KCNQ2: variants seen among roughly 807,000 people sequenced by gnomAD.
KCNQ2 encodes potassium voltage-gated channel subfamily Q member 2, also known as potassium voltage-gated channel subfamily KQT member 2.
A neutral mutation model predicts 84.8 loss-of-function variants in KCNQ2; 14 were observed. The ratio of observed to expected loss-of-function variants is 0.17; its 90% CI spans 0.11 to 0.26. KCNQ2 has a LOEUF of 0.26. Ranked by LOEUF, KCNQ2 falls within the 10% of genes least tolerant of loss-of-function variation. KCNQ2 has a pLI of 1.00. For synonymous variants in KCNQ2, 599 were observed against 554.1 expected (o/e 1.08, Z -1.14); for missense variants, 788 against 1,254.0 (o/e 0.63, Z 5.61).
rs989160365 is a variant in KCNQ2, at chr20:63,455,348, C to A, written c.297-8511G>T. On this transcript the variant is annotated intron_variant, in intron 1 of 16. Coordinates refer to ENST00000359125, the MANE Select transcript of KCNQ2 (RefSeq NM_172107.4). ...GAGTCAAGGTGGGGGCAGGGAGGAT[C>A]CACAGAGCCCTGGCACCCACCACTG... Among the ~76,000 whole-genome samples the A allele has an allele frequency of 5.3e-4, 80 of 152,186 alleles. 1 individual carries two copies. The highest frequency in any genetic ancestry group is 1.7e-3 in the African/African-American group (71 of 41,446).
Position 63,438,620 on chromosome 20 carries a change from C to G in KCNQ2, c.1023+5G>C. The G allele has an allele frequency of 6.2e-7, 1 of 1,612,998 alleles. No homozygotes were observed. The highest frequency in any genetic ancestry group is 8.5e-7 in the Non-Finnish European group (1 of 1,179,448). On this transcript the variant is annotated splice_donor_5th_base_variant and intron_variant, in intron 7 of 16. Coordinates refer to ENST00000359125, the MANE Select transcript of KCNQ2 (RefSeq NM_172107.4). This position sits in a 1 kb window ranked among gnomAD's most constrained non-coding sequence, Gnocchi z 5.1. ...TGCTGGTCCCCGGGGGACACCTGGA[C>G]TCACCTGGATCAGGCCTGCTGCCGG...
Position 63,403,591 on chromosome 20 carries a change from CACGTGT to C in KCNQ2, c.*3047_*3052del, listed in dbSNP as rs1179732214. On this transcript the variant is annotated 3_prime_UTR_variant, in exon 17 of 17. Transcript: ENST00000359125. ...CGTGTGTGCATGTGTGTGATCTGTGCACGTGTACATGTAAGCGTGCATGTGTATGCC... is the reference window on the plus strand; with the variant it reads ...CGTGTGTGCATGTGTGTGATCTGTGCACATGTAAGCGTGCATGTGTATGCC... 1 of 152,392 alleles carries C rather than the reference CACGTGT, an allele frequency of 6.6e-6. No homozygotes were observed. The highest frequency in any genetic ancestry group is 1.5e-5 in the Non-Finnish European group (1 of 68,176). 9.4% of individuals were successfully genotyped at this position (152,392 alleles called of 1,614,324 possible). A position where few individuals can be genotyped will look rare whatever the true frequency, so the allele number is the denominator to read the frequency against.
chr20:63,442,701 TCACCATCACCAC>T lies in KCNQ2; in HGVS notation c.691-182_691-171del, dbSNP rs2081213321. 1.5e-4 allele frequency among the ~76,000 whole-genome samples: 7 copies of T among 48,130 alleles called. No individual in the cohort carries two copies. The South Asian group carries it at 6.5e-3, about 45-fold the overall frequency. 31.6% of individuals were successfully genotyped at this position (48,130 alleles called of 152,430 possible). A position where few individuals can be genotyped will look rare whatever the true frequency, so the allele number is the denominator to read the frequency against. ...ACCACCACCATCACCATCACCACCATCACCATCACCACCACCACCACCATCATCACCACCTCC... is the reference window on the plus strand; with the variant it reads ...ACCACCACCATCACCATCACCACCATCACCACCACCATCATCACCACCTCC... On this transcript the variant is annotated intron_variant, in intron 4 of 16. Coordinates refer to ENST00000359125, the MANE Select transcript of KCNQ2 (RefSeq NM_172107.4).
At chr20:63,443,070 TATC>T (rs1568936017) in intron 4 of KCNQ2, among the ~76,000 whole-genome samples, 3 of 21,006 alleles carry the variant, frequency 1.4e-4, no homozygotes, top group African/African-American at 3.8e-4. Context: ...CCATCACCAT[TATC>T]ACCACCACCA....
intron 15 of KCNQ2, chr20:63,410,910 C>T (rs2080101847): frequency 4.7e-6 from 2 of 422,120 alleles, no homozygotes; most frequent in Admixed American, 5.3e-5. Context: ...GGGGCTCTAC[C>T]CTCCCTCAGC....
intron 9 of KCNQ2, among the ~76,000 whole-genome samples, chr20:63,428,914 T>A (rs1600716245): frequency 6.6e-6 from 1 of 152,214 alleles, no homozygotes; most frequent in Non-Finnish European, 1.5e-5. Context: ...GGATTCTGCT[T>A]GGCAAAGAGC....
rs1239665144 is a variant in KCNQ2 at position 63,442,351 on chromosome 20, C to A, written c.816+55G>T. 2.5e-6 allele frequency: 4 copies of A among 1,613,124 alleles called. No individual in the cohort carries two copies. The African/African-American group carries it at 5.3e-5, about 22-fold the overall frequency. On this transcript the variant is annotated intron_variant, in intron 5 of 16. Transcript: ENST00000359125. ...AGCCAGTGAGAGCCTGGTCCCAGCA[C>A]AGGGACAGGGGTGTATCAGCAGGGA...
intron 1 of KCNQ2, among the ~76,000 whole-genome samples, chr20:63,454,817 C>G (rs982515277): frequency 6.6e-6 from 1 of 152,238 alleles, no homozygotes; most frequent in African/African-American, 2.4e-5. Context: ...CACTCCCTGC[C>G]CATGTGGCCT....
chr20:63,408,042 C>A lies in KCNQ2; in HGVS notation c.1887+371G>T. Reference sequence around the variant, plus strand: ...TCTGCGGTGGTTCCTGAGAATGCACCCCCAGAAGACAGCGGCCAGGGTGTC... The same window carrying A: ...TCTGCGGTGGTTCCTGAGAATGCACACCCAGAAGACAGCGGCCAGGGTGTC... On this transcript the variant is annotated intron_variant, in intron 16 of 16. Coordinates refer to ENST00000359125, the MANE Select transcript of KCNQ2 (RefSeq NM_172107.4). The surrounding 1 kb of genome is among the most constrained non-coding windows in gnomAD (Gnocchi z 5.0). 3.1e-6 allele frequency: 1 copy of A among 319,098 alleles called. No homozygotes were observed. The highest frequency in any genetic ancestry group is 6.1e-6 in the Non-Finnish European group (1 of 163,488). The allele number at this position is 319,098 out of a possible 1,614,324, so 19.8% of individuals were successfully genotyped here.
At chr20:63,458,565 C>A (rs2081866018) in intron 1 of KCNQ2, among the ~76,000 whole-genome samples, 1 of 152,212 alleles carries the variant, frequency 6.6e-6, no homozygotes, top group Non-Finnish European at 1.5e-5. Flanking sequence ...CCGGGCAGCC[C>A]CCAAGTCTCC....
At chr20:63,416,394 G>A (rs2080298788) in intron 12 of KCNQ2, among the ~76,000 whole-genome samples, 1 of 152,230 alleles carries the variant, frequency 6.6e-6, no homozygotes, top group East Asian at 1.9e-4. Flanking sequence ...AGGGTTCACT[G>A]TGGTTGGTGG....
In KCNQ2 at chr20:63,431,379, G is replaced by A; in HGVS notation, c.1119-10C>T. 1 of 1,613,716 alleles carries A rather than the reference G, an allele frequency of 6.2e-7. No homozygotes were observed. The highest frequency in any genetic ancestry group is 8.5e-7 in the Non-Finnish European group (1 of 1,179,842). ...GGTTTGAGTTTGCGAACTTTCAAGTGTTTCCACACACACAAAGGGAAAAGA... is the reference window on the plus strand; with the variant it reads ...GGTTTGAGTTTGCGAACTTTCAAGTATTTCCACACACACAAAGGGAAAAGA... On this transcript the variant is annotated splice_polypyrimidine_tract_variant and intron_variant, in intron 8 of 16. Coordinates refer to ENST00000359125, the MANE Select transcript of KCNQ2 (RefSeq NM_172107.4).
At chr20:63,417,235 C>T (rs1217944464) in intron 12 of KCNQ2, among the ~76,000 whole-genome samples, 2 of 152,122 alleles carry the variant, frequency 1.3e-5, no homozygotes, top group Non-Finnish European at 2.9e-5. Context: ...GAGAACCGGA[C>T]GGGGGCCAGG....
At chr20:63,435,009 C>T (rs1276594598) in intron 7 of KCNQ2, among the ~76,000 whole-genome samples, 1 of 152,190 alleles carries the variant, frequency 6.6e-6, no homozygotes, top group Non-Finnish European at 1.5e-5. Context: ...TGAGAAACAA[C>T]CGAACTGCTT....
In KCNQ2 at chr20:63,404,865, C is replaced by T. The variant is rs1285336675; in HGVS notation, c.*1779G>A. 1 of 152,280 alleles carries T rather than the reference C, an allele frequency of 6.6e-6. No homozygotes were observed. Among genetic ancestry groups the T allele is most frequent in the Non-Finnish European group, 1.5e-5 (1 of 68,096 alleles). The allele number at this position is 152,280 out of a possible 1,614,324, so 9.4% of individuals were successfully genotyped here. Reference sequence around the variant, plus strand: ...CCTCCCAGTTGGCACCTTTTTGGGACAGGCTCCAGCACAGGGAGGGGTGAG... The same window carrying T: ...CCTCCCAGTTGGCACCTTTTTGGGATAGGCTCCAGCACAGGGAGGGGTGAG... On this transcript the variant is annotated 3_prime_UTR_variant, in exon 17 of 17. Coordinates refer to ENST00000359125, the MANE Select transcript of KCNQ2 (RefSeq NM_172107.4).
chr20:63,421,698 C>A (rs991161659), intron 11 of KCNQ2, among the ~76,000 whole-genome samples: 1 of 152,140 alleles, frequency 6.6e-6, no homozygotes, highest in Non-Finnish European at 1.5e-5. Context: ...CACGGGGGAG[C>A]CCGCACAGGC....
intron 1 of KCNQ2, among the ~76,000 whole-genome samples, chr20:63,450,865 T>C (rs1391810749): frequency 1.3e-5 from 2 of 151,728 alleles, no homozygotes; most frequent in Non-Finnish European, 2.9e-5. Flanking sequence ...AACCTGGCCA[T>C]GCATGGCGGC....
At chr20:63,443,277 T>C (rs796838385) in intron 4 of KCNQ2, among the ~76,000 whole-genome samples, 8 of 13,332 alleles carry the variant, frequency 6.0e-4, no homozygotes, top group Non-Finnish European at 8.9e-4. Context: ...ATCACCACCA[T>C]CACCATCACC....
At chr20:63,409,032 C>T (rs989999285) in intron 15 of KCNQ2, among the ~76,000 whole-genome samples, 3 of 152,254 alleles carry the variant, frequency 2.0e-5, no homozygotes, top group African/African-American at 7.2e-5. Context: ...CCGTCGGCCC[C>T]ACCGGGTCTG....
Sources: gnomAD v4.1 joint callset for allele counts (sites outside exome capture counted in the v4.1 genomes callset) on GRCh38, gnomAD v4.1.1 for gene constraint, Gnocchi (gnomAD v3.1) non-coding constraint, MANE v1.5 for transcripts, NCBI Gene and HGNC (gene_info 2026-07-23, HGNC 2026-07-21) for gene names.